Variants in IMMP2L observed in about 807,000 individuals in gnomAD.
The protein encoded by IMMP2L is inner mitochondrial membrane peptidase subunit 2.
A neutral mutation model predicts 19.3 loss-of-function variants in IMMP2L; 18 were observed. That is an observed-to-expected ratio of 0.93 (90% confidence interval 0.64 to 1.38). The LOEUF (loss-of-function observed/expected upper bound fraction) is 1.38. IMMP2L is among the 40% of genes most tolerant of loss of function. IMMP2L has a pLI of 0.00. For missense variants in IMMP2L, 233 were observed against 218.2 expected (o/e 1.07, Z -0.43); for synonymous variants, 76 against 73.0 (o/e 1.04, Z -0.21).
Position 111,272,031 on chromosome 7 carries a change from T to G in IMMP2L, c.239+215207A>C, listed in dbSNP as rs139929921. On this transcript the variant is annotated intron_variant, in intron 3 of 5. Transcript: ENST00000405709. Reference sequence around the variant, plus strand: ...ATACAAACACTCCATTTCTACTTTTTCCCCACCCGATCTGTTTTCTGTAAT... The same window carrying G: ...ATACAAACACTCCATTTCTACTTTTGCCCCACCCGATCTGTTTTCTGTAAT... 3.5e-3 allele frequency among the ~76,000 whole-genome samples: 540 copies of G among 152,246 alleles called. 2 individuals are homozygous for G. The highest frequency in any genetic ancestry group is 0.012 in the African/African-American group (511 of 41,530).
At chr7:111,137,926 G>A (rs577347698) in intron 3 of IMMP2L, among the ~76,000 whole-genome samples, 6 of 152,190 alleles carry the variant, frequency 3.9e-5, no homozygotes, top group Non-Finnish European at 7.4e-5. Context: ...CCAGGCTCAA[G>A]TGATCCTCCA....
chr7:110,912,337 A>T (rs1428791228), intron 4 of IMMP2L, among the ~76,000 whole-genome samples: 2 of 152,126 alleles, frequency 1.3e-5, no homozygotes, highest in Non-Finnish European at 2.9e-5. Context: ...AAAAATGTAA[A>T]CACAATGTAA....
intron 3 of IMMP2L, among the ~76,000 whole-genome samples, chr7:111,352,101 T>A (rs78969738): frequency 0.032 from 4,876 of 152,226 alleles, 259 homozygotes; most frequent in African/African-American, 0.11. Flanking sequence ...AAGACATATG[T>A]GTAAAAGGTA....
chr7:111,235,668 T>C (rs1814219946), intron 3 of IMMP2L, among the ~76,000 whole-genome samples: 1 of 152,082 alleles, frequency 6.6e-6, no homozygotes, highest in South Asian at 2.1e-4. Flanking sequence ...GATTATAATA[T>C]GCCTCTGTAT....
At position 110,785,851 on chromosome 7, in the gene IMMP2L, C is replaced by T. The variant is rs561935214; in HGVS notation, c.408+100742G>A. 2.4e-4 allele frequency among the ~76,000 whole-genome samples: 37 copies of T among 151,924 alleles called. 2 individuals carry two copies. The South Asian group carries it at 7.5e-3, about 31-fold the overall frequency. ...ATGATCTATAACACTAATTGTTCCA[C>T]ATAATTTGTCAATGGCACATTGATA... is the stretch of plus-strand genomic sequence containing the variant. On this transcript the variant is annotated intron_variant, in intron 5 of 5. Transcript: ENST00000405709.
At chr7:110,846,351 T>TC (rs200719911) in intron 5 of IMMP2L, among the ~76,000 whole-genome samples, 2,518 of 107,188 alleles carry the variant, frequency 0.023, 74 homozygotes, top group African/African-American at 0.076. Flanking sequence ...CTGATTTCTT[T>TC]TTTTTTTTTT....
intron 3 of IMMP2L, among the ~76,000 whole-genome samples, chr7:111,348,801 T>C (rs1310988367): frequency 1.3e-5 from 2 of 152,078 alleles, no homozygotes; most frequent in Non-Finnish European, 2.9e-5. Context: ...GCCATTTACA[T>C]ATTAGCTGAC....
intron 5 of IMMP2L, among the ~76,000 whole-genome samples, chr7:110,826,334 C>T (rs145609522): frequency 0.025 from 3,874 of 152,102 alleles, 54 homozygotes; most frequent in Middle Eastern, 0.051. Context: ...ATCCCATTAC[C>T]GGGTATATAC....
At chr7:110,901,928 T>C (rs1038621332) in intron 4 of IMMP2L, among the ~76,000 whole-genome samples, 39 of 152,292 alleles carry the variant, frequency 2.6e-4, no homozygotes, top group African/African-American at 9.4e-4. Flanking sequence ...AAGTACTATC[T>C]GAATGGATTC....
At chr7:111,233,471 A>G (rs975328209) in intron 3 of IMMP2L, among the ~76,000 whole-genome samples, 4 of 151,842 alleles carry the variant, frequency 2.6e-5, no homozygotes, top group Non-Finnish European at 5.9e-5. Context: ...AACTGACTAT[A>G]TAATAATTTC....
intron 4 of IMMP2L, among the ~76,000 whole-genome samples, chr7:110,906,897 T>C (rs1176636621): frequency 6.6e-6 from 1 of 152,104 alleles, no homozygotes; most frequent in Non-Finnish European, 1.5e-5. Context: ...TTGCGAGCCT[T>C]GCAACAGGGG....
chr7:110,679,531 A>G (rs969641380), intron 5 of IMMP2L, among the ~76,000 whole-genome samples: 1 of 152,082 alleles, frequency 6.6e-6, no homozygotes, highest in Non-Finnish European at 1.5e-5. Flanking sequence ...GTTGTTTTAA[A>G]CCACATTTAG....
chr7:110,921,243 C>T (rs1814242888), intron 4 of IMMP2L, among the ~76,000 whole-genome samples: 1 of 152,166 alleles, frequency 6.6e-6, no homozygotes, highest in East Asian at 1.9e-4. Flanking sequence ...TTCAATTCTC[C>T]ACACTTCACT....
chr7:111,287,331 G>A (rs1227360299), intron 3 of IMMP2L, among the ~76,000 whole-genome samples: 1 of 152,134 alleles, frequency 6.6e-6, no homozygotes, highest in Non-Finnish European at 1.5e-5. Flanking sequence ...CTGCTCAGAA[G>A]TATTTACTAA....
At chr7:111,291,765 CA>C (rs980253974) in intron 3 of IMMP2L, among the ~76,000 whole-genome samples, 1 of 151,714 alleles carries the variant, frequency 6.6e-6, no homozygotes, top group Admixed American at 6.6e-5. Flanking sequence ...GTTTTCACCA[CA>C]AAAAAATGAC....
chr7:110,787,501 A>G (rs1372995451), intron 5 of IMMP2L, among the ~76,000 whole-genome samples: 1 of 151,944 alleles, frequency 6.6e-6, no homozygotes, highest in Non-Finnish European at 1.5e-5. Flanking sequence ...GCCAAGGACA[A>G]TCTTGGTACT....
chr7:111,161,728 T>C (rs763147749), intron 3 of IMMP2L, among the ~76,000 whole-genome samples: 10 of 151,988 alleles, frequency 6.6e-5, no homozygotes, highest in Admixed American at 6.6e-4. Flanking sequence ...CAGTATTAAA[T>C]ACCAATTTGC....
chr7:111,291,916 G>T (rs140762426), intron 3 of IMMP2L, among the ~76,000 whole-genome samples: 1 of 151,964 alleles, frequency 6.6e-6, no homozygotes, highest in African/African-American at 2.4e-5. Context: ...AAACAAAAAG[G>T]CTTTGCTAAA....
At chr7:111,020,640 T>G (rs543027570) in intron 3 of IMMP2L, among the ~76,000 whole-genome samples, 5 of 152,094 alleles carry the variant, frequency 3.3e-5, no homozygotes, top group African/African-American at 1.2e-4. Flanking sequence ...CATGTGCCTG[T>G]AGTTCCAGCT....
Sources: allele counts gnomAD v4.1 joint callset (sites outside exome capture counted in the v4.1 genomes callset), GRCh38; gene constraint gnomAD v4.1.1; transcripts MANE v1.5; gene names NCBI Gene and HGNC (gene_info 2026-07-23, HGNC 2026-07-21).